NTN1: variants seen among roughly 807,000 people sequenced by gnomAD.
The protein encoded by NTN1 is netrin-1.
A neutral mutation model predicts 54.2 loss-of-function variants in NTN1; 11 were observed. The observed-to-expected ratio is 0.20, with a 90% CI of 0.13 to 0.34. The LOEUF is 0.34. NTN1 is among the 10% of genes least tolerant of loss of function. The pLI, the probability that NTN1 is intolerant of heterozygous loss-of-function variation, is 1.00. For missense variants in NTN1, 740 were observed against 893.1 expected (o/e 0.83, Z 2.18); for synonymous variants, 371 against 382.0 (o/e 0.97, Z 0.33).
intron 2 of NTN1, among the ~76,000 whole-genome samples, chr17:9,056,629 G>A (rs1309049705): frequency 3.3e-5 from 5 of 152,176 alleles, no homozygotes; most frequent in Non-Finnish European, 7.3e-5. Flanking sequence ...TAGAGTGTGT[G>A]GGGTGCTGAG....
intron 5 of NTN1, among the ~76,000 whole-genome samples, chr17:9,218,982 C>A (rs1011093405): frequency 2.0e-5 from 3 of 151,866 alleles, no homozygotes; most frequent in Non-Finnish European, 4.4e-5. Flanking sequence ...TCACTCGGCA[C>A]AACTTGCATT....
chr17:9,200,744 A>G (rs896209283), intron 5 of NTN1, among the ~76,000 whole-genome samples: 3 of 152,230 alleles, frequency 2.0e-5, no homozygotes, highest in African/African-American at 7.2e-5. Flanking sequence ...AGCCTGGGCT[A>G]GGTGCTGGGG....
intron 5 of NTN1, among the ~76,000 whole-genome samples, chr17:9,189,921 G>C (rs1268865683): frequency 6.6e-6 from 1 of 152,152 alleles, no homozygotes; most frequent in Non-Finnish European, 1.5e-5. Flanking sequence ...CAGACCCTTG[G>C]GTCACAAGGT....
chr17:9,179,716 C>T, intron 3 of NTN1, 91 bp from the exon 4 acceptor site: 1 of 1,477,108 alleles, frequency 6.8e-7, no homozygotes, highest in Non-Finnish European at 9.2e-7. Flanking sequence ...AGGGCAGGGT[C>T]CATGGAGGCA....
intron 2 of NTN1, among the ~76,000 whole-genome samples, chr17:9,054,211 T>A (rs1047827268): frequency 1.6e-4 from 24 of 152,216 alleles, no homozygotes; most frequent in African/African-American, 5.5e-4. Context: ...TTTGTCTGAT[T>A]CACAAGCTAA....
At chr17:9,029,729 C>T (rs1201931167) in intron 2 of NTN1, among the ~76,000 whole-genome samples, 1 of 152,228 alleles carries the variant, frequency 6.6e-6, no homozygotes, top group East Asian at 1.9e-4. Flanking sequence ...CGCGGTGGCT[C>T]ACGCCTGTAA....
intron 2 of NTN1, among the ~76,000 whole-genome samples, chr17:9,161,780 A>C (rs2092357640): frequency 6.6e-6 from 1 of 152,196 alleles, no homozygotes. Context: ...TCCCGTCTCA[A>C]AAACAACAAA....
intron 6 of NTN1, among the ~76,000 whole-genome samples, chr17:9,235,512 TAGTC>T (rs1466675182): frequency 3.3e-5 from 5 of 152,144 alleles, no homozygotes; most frequent in South Asian, 2.1e-4. Context: ...GGGTGTGTCT[TAGTC>T]AGTTCTGGGC....
At chr17:9,042,479 T>G (rs1379574734) in intron 2 of NTN1, among the ~76,000 whole-genome samples, 2 of 126,512 alleles carry the variant, frequency 1.6e-5, no homozygotes, top group Non-Finnish European at 3.2e-5. Flanking sequence ...ATAGTGAGAC[T>G]CTGTCCCTTA....
At chr17:9,195,891 C>G (rs959612582) in intron 5 of NTN1, among the ~76,000 whole-genome samples, 2 of 152,168 alleles carry the variant, frequency 1.3e-5, no homozygotes, top group Non-Finnish European at 2.9e-5. Context: ...GAAATAATAA[C>G]AACCATCACT....
intron 2 of NTN1, among the ~76,000 whole-genome samples, chr17:9,122,610 A>G (rs938593517): frequency 2.6e-5 from 4 of 152,160 alleles, no homozygotes; most frequent in African/African-American, 9.7e-5. Flanking sequence ...TGCTTAAACT[A>G]TGTTCTTATT....
At chr17:9,075,308 C>A (rs999840262) in intron 2 of NTN1, among the ~76,000 whole-genome samples, 1 of 152,080 alleles carries the variant, frequency 6.6e-6, no homozygotes, top group Non-Finnish European at 1.5e-5. Flanking sequence ...TGGTGAAACC[C>A]TGTCTCTAGT....
intron 2 of NTN1, among the ~76,000 whole-genome samples, chr17:9,106,533 C>T (rs566184893): frequency 8.6e-6 from 1 of 116,292 alleles, no homozygotes; most frequent in Non-Finnish European, 1.8e-5. Flanking sequence ...TCCTTCCTTT[C>T]GACAGAGTCT....
chr17:9,069,273 G>C (rs2092025444), intron 2 of NTN1, among the ~76,000 whole-genome samples: 1 of 150,964 alleles, frequency 6.6e-6, no homozygotes, highest in Admixed American at 6.6e-5. Context: ...CATTTTAAAG[G>C]TCTATTCAAC....
At chr17:9,180,404 G>A (rs1261484711) in intron 4 of NTN1, among the ~76,000 whole-genome samples, 10 of 152,228 alleles carry the variant, frequency 6.6e-5, no homozygotes, top group Non-Finnish European at 8.8e-5. Context: ...GTGAGTCCAC[G>A]TGGGAGACCC....
At chr17:9,111,750 G>C (rs1017646202) in intron 2 of NTN1, among the ~76,000 whole-genome samples, 21 of 152,166 alleles carry the variant, frequency 1.4e-4, no homozygotes, top group Admixed American at 1.4e-3. Flanking sequence ...AAAAGAAAAT[G>C]TTATTGGGAA....
intron 2 of NTN1, among the ~76,000 whole-genome samples, chr17:9,155,954 G>A (rs1385371900): frequency 2.6e-5 from 4 of 152,200 alleles, no homozygotes; most frequent in Non-Finnish European, 4.4e-5. Flanking sequence ...GCCACCGGTT[G>A]AGAACACTGC....
intron 2 of NTN1, among the ~76,000 whole-genome samples, chr17:9,157,549 G>A: frequency 6.6e-6 from 1 of 152,216 alleles, no homozygotes; most frequent in East Asian, 1.9e-4. Flanking sequence ...TTTTCCTACT[G>A]GGTTTCTGGT....
intron 2 of NTN1, among the ~76,000 whole-genome samples, chr17:9,100,840 G>A (rs2092148402): frequency 6.6e-6 from 1 of 151,848 alleles, no homozygotes; most frequent in South Asian, 2.1e-4. Context: ...TTCTTCATGG[G>A]GTTTGCTTTT....
Sources: allele counts gnomAD v4.1 joint callset (sites outside exome capture counted in the v4.1 genomes callset), GRCh38; gene constraint gnomAD v4.1.1; transcripts MANE v1.5; gene names NCBI Gene and HGNC (gene_info 2026-07-23, HGNC 2026-07-21).